ZNF85: variants seen among roughly 807,000 people sequenced by gnomAD.
ZNF85 encodes the protein zinc finger protein 85 (HPF4, HTF1).
A neutral mutation model predicts 53.9 loss-of-function variants in ZNF85; 50 were observed. The ratio of observed to expected loss-of-function variants is 0.93; its 90% CI spans 0.74 to 1.17. The LOEUF is 1.17. Ranked by LOEUF, ZNF85 falls within the 50% of genes most tolerant of loss-of-function variation. ZNF85 has a pLI of 0.00. For missense variants in ZNF85, 747 were observed against 688.5 expected (o/e 1.08, Z -0.95); for synonymous variants, 225 against 226.1 (o/e 1.00, Z 0.04).
chr19:20,933,138 A>G (rs1260345386), intron 1 of ZNF85, among the ~76,000 whole-genome samples: 1 of 149,826 alleles, frequency 6.7e-6, no homozygotes, highest in East Asian at 2.0e-4. Flanking sequence ...GCTTGCAGTG[A>G]GCTGAGATTG....
intron 3 of ZNF85, chr19:20,937,231 C>T: frequency 2.4e-6 from 1 of 422,304 alleles, no homozygotes; most frequent in South Asian, 1.7e-5. Context: ...GAAGTTTCAC[C>T]ATATTGGCCA....
At chr19:20,942,987 T>G in intron 3 of ZNF85, 1 of 513,684 alleles carries the variant, frequency 1.9e-6, no homozygotes, top group Non-Finnish European at 3.4e-6. Context: ...TGTTGCCCAG[T>G]CTAGTCTCAA....
chr19:20,943,141 T>C (rs929534438), intron 3 of ZNF85: 1 of 343,962 alleles, frequency 2.9e-6, no homozygotes, highest in Non-Finnish European at 5.2e-6. Context: ...CAAATAAGAA[T>C]GTTGTGTATT....
intron 3 of ZNF85, among the ~76,000 whole-genome samples, chr19:20,946,847 G>A (rs534919504): frequency 2.0e-5 from 3 of 151,904 alleles, no homozygotes; most frequent in South Asian, 4.2e-4. Context: ...ACTGACTCTT[G>A]TAGAAAGGCA....
intron 3 of ZNF85, among the ~76,000 whole-genome samples, chr19:20,946,819 CT>C (rs1331309846): frequency 6.6e-6 from 1 of 151,714 alleles, no homozygotes; most frequent in Non-Finnish European, 1.5e-5. Context: ...TTCAGTCTTT[CT>C]TTATCATTAG....
rs1367338346 is a variant in ZNF85 at position 20,948,907 on chromosome 19, T to A, written c.393T>A (p.Cys131Ter). ...AGTGTAAGATGCACAAAGGAGGTTG[T>A]AATGGACTTAACCAATGTCTCACAG... ...MDECKMHKGG[C>*]NGLNQCLTAT... Residue 131 changes from cysteine to a stop codon, truncating the protein, a stop_gained, in exon 4 of 4, where the codon TGT becomes TGA. Coordinates refer to ENST00000328178, the MANE Select transcript of ZNF85 (RefSeq NM_003429.5). LOFTEE classifies it high-confidence loss of function. 6.2e-7 allele frequency: 1 copy of A among 1,608,944 alleles called. No individual in the cohort carries two copies. The highest frequency in any genetic ancestry group is 8.5e-7 in the Non-Finnish European group (1 of 1,175,498).
chr19:20,935,658 A>ATTT (rs966936998), intron 3 of ZNF85, among the ~76,000 whole-genome samples: 8 of 145,876 alleles, frequency 5.5e-5, no homozygotes, highest in African/African-American at 2.0e-4. Flanking sequence ...TGCCACTAGA[A>ATTT]TTTTTTTTTT....
Position 20,923,416 on chromosome 19 carries a change from G to A in ZNF85, c.3+13G>A, listed in dbSNP as rs1357817526. 1 of 1,613,998 alleles carries A rather than the reference G, an allele frequency of 6.2e-7. No homozygotes were observed. The highest frequency in any genetic ancestry group is 1.3e-5 in the African/African-American group (1 of 74,922). On this transcript the variant is annotated intron_variant, in intron 1 of 3. Coordinates refer to ENST00000328178, the MANE Select transcript of ZNF85 (RefSeq NM_003429.5). ...AAGCCTAGAAATGGTGAGAGTGCCA[G>A]GTCCGCCATCCCGAGGGGGAAAGGG...
At chr19:20,939,325 A>G (rs921859186) in intron 3 of ZNF85, among the ~76,000 whole-genome samples, 13 of 152,112 alleles carry the variant, frequency 8.5e-5, no homozygotes, top group Admixed American at 8.5e-4. Context: ...GCATGATCTC[A>G]GCTCACTGCA....
At position 20,949,818 on chromosome 19, in the gene ZNF85, T is replaced by C. The variant is rs1043906984; in HGVS notation, c.1304T>C (p.Phe435Ser). Residue 435 changes from phenylalanine (F) to serine (S), a missense_variant, in exon 4 of 4, where the codon TTT becomes TCT. Phe to Ser is a radical substitution (Grantham distance 155, BLOSUM62 -2). Coordinates refer to ENST00000328178, the MANE Select transcript of ZNF85 (RefSeq NM_003429.5). ...PYKCKECEKA[F>S]NQSSKLTEHK... Reference sequence around the variant, plus strand: ...AAATGTAAAGAATGTGAAAAAGCTTTTAACCAATCCTCAAAACTTACTGAA... The same window carrying C: ...AAATGTAAAGAATGTGAAAAAGCTTCTAACCAATCCTCAAAACTTACTGAA... 2.5e-6 allele frequency: 4 copies of C among 1,612,158 alleles called. No homozygotes were observed. In the African/African-American group the frequency reaches 5.3e-5, roughly 22 times the overall value.
At chr19:20,939,613 T>G (rs1401659456) in intron 3 of ZNF85, among the ~76,000 whole-genome samples, 1 of 152,176 alleles carries the variant, frequency 6.6e-6, no homozygotes, top group Non-Finnish European at 1.5e-5. Context: ...CATTATAATT[T>G]TAAATAACTT....
chr19:20,950,096 CAT>C lies in ZNF85; in HGVS notation c.1584_1585del (p.His528GlnfsTer13), dbSNP rs1393544872. ...AFNQSSKLTKHKKIHTGEKPY... is the reference protein window; with the variant it reads ...AFNQSSKLTKXKKIHTGEKPY... ...TAACCAATCCTCAAAACTTACCAAA[CAT>C]AAGAAAATTCATACTGGAGAGAAAC... is the stretch of plus-strand genomic sequence containing the variant. On this transcript the variant is annotated frameshift_variant, in exon 4 of 4. Transcript: ENST00000328178. LOFTEE classifies it high-confidence loss of function. The C allele has an allele frequency of 1.2e-6, 2 of 1,613,148 alleles. No homozygotes were observed. The highest frequency in any genetic ancestry group is 1.3e-5 in the African/African-American group (1 of 74,834).
intron 1 of ZNF85, chr19:20,928,113 G>A (rs1972923079): frequency 1.3e-5 from 2 of 152,132 alleles, no homozygotes; most frequent in Admixed American, 1.3e-4. Flanking sequence ...ACTAGAGGGA[G>A]GTTATGGGAA....
At position 20,923,323 on chromosome 19, in the gene ZNF85, C is replaced by G. The variant is rs554721140; in HGVS notation, c.-78C>G. The G allele has an allele frequency of 1.2e-6, 2 of 1,609,512 alleles. No individual in the cohort carries two copies. Among genetic ancestry groups the G allele is most frequent in the East Asian group, 2.2e-5 (1 of 44,774 alleles). On this transcript the variant is annotated 5_prime_UTR_variant, in exon 1 of 4. Coordinates refer to ENST00000328178, the MANE Select transcript of ZNF85 (RefSeq NM_003429.5). Reference sequence around the variant, plus strand: ...CTTTGTGTTTTCTGCTCGTGGACGCCCAGCCTCTGTGGCCCTGTGGCCTGC... The same window carrying G: ...CTTTGTGTTTTCTGCTCGTGGACGCGCAGCCTCTGTGGCCCTGTGGCCTGC...
intron 3 of ZNF85, chr19:20,942,742 G>A (rs1973326643): frequency 1.5e-6 from 1 of 681,980 alleles, no homozygotes; most frequent in Non-Finnish European, 2.7e-6. Context: ...AACACACAGT[G>A]TATAATTTTT....
intron 3 of ZNF85, among the ~76,000 whole-genome samples, chr19:20,936,325 GT>G (rs1314038468): frequency 6.6e-6 from 1 of 152,158 alleles, no homozygotes; most frequent in Non-Finnish European, 1.5e-5. Flanking sequence ...CATACTTCCA[GT>G]GCTATATTAA....
At chr19:20,925,536 A>G (rs1972861237) in intron 1 of ZNF85, among the ~76,000 whole-genome samples, 2 of 152,092 alleles carry the variant, frequency 1.3e-5, no homozygotes, top group East Asian at 3.8e-4. Flanking sequence ...TGCAGAAATA[A>G]TTTTTACCCC....
chr19:20,934,540 C>T (rs981024687), intron 2 of ZNF85, among the ~76,000 whole-genome samples: 3 of 152,002 alleles, frequency 2.0e-5, no homozygotes, highest in South Asian at 2.1e-4. Flanking sequence ...GAGGCTGAGG[C>T]GGACGGATCA....
At chr19:20,926,285 A>C (rs35243824) in intron 1 of ZNF85, among the ~76,000 whole-genome samples, 29,891 of 152,124 alleles carry the variant, frequency 0.2, 3,376 homozygotes, top group Non-Finnish European at 0.25. Context: ...AAGTTTCATG[A>C]TAAATTTTAT....
Sources: gnomAD v4.1 joint callset for allele counts (sites outside exome capture counted in the v4.1 genomes callset) on GRCh38, gnomAD v4.1.1 for gene constraint, MANE v1.5 for transcripts, NCBI Gene and HGNC (gene_info 2026-07-23, HGNC 2026-07-21) for gene names.